Variants in OSMR observed in about 807,000 individuals in gnomAD.
OSMR encodes the protein oncostatin-M-specific receptor subunit beta.
Under a neutral mutation model 99.9 loss-of-function variants are expected in OSMR, and 81 were observed. The ratio of observed to expected loss-of-function variants is 0.81; its 90% CI spans 0.68 to 0.97. OSMR has a LOEUF of 0.97. Ranked by LOEUF, OSMR falls within the 50% of genes least tolerant of loss-of-function variation. The pLI, the probability that OSMR is intolerant of heterozygous loss-of-function variation, is 0.00. For synonymous variants in OSMR, 406 were observed against 410.4 expected (o/e 0.99, Z 0.13); for missense variants, 1,099 against 1,153.4 (o/e 0.95, Z 0.68).
chr5:38,853,720 A>G (rs556007394), intron 1 of OSMR, among the ~76,000 whole-genome samples: 34 of 152,326 alleles, frequency 2.2e-4, no homozygotes, highest in African/African-American at 7.2e-4. Flanking sequence ...AGCTGATGTC[A>G]CAAATTGCAG....
Position 38,934,808 on chromosome 5 carries a change from T to C in OSMR, c.*1364T>C, listed in dbSNP as rs1269593013. The C allele has an allele frequency of 6.6e-6, 1 of 150,512 alleles. No homozygotes were observed. Among genetic ancestry groups the C allele is most frequent in the African/African-American group, 2.4e-5 (1 of 40,830 alleles). The allele number at this position is 150,512 out of a possible 1,614,324, so 9.3% of individuals were successfully genotyped here. A position where few individuals can be genotyped will look rare whatever the true frequency, so the allele number is the denominator to read the frequency against. Reference sequence around the variant, plus strand: ...GTGTGAGCCACCATGCCCAGCCTATTTGTCACATTATTTGTCACATTTATT... The same window carrying C: ...GTGTGAGCCACCATGCCCAGCCTATCTGTCACATTATTTGTCACATTTATT... On this transcript the variant is annotated 3_prime_UTR_variant, in exon 18 of 18. Transcript: ENST00000274276.
chr5:38,921,842 A>G (rs749640464), intron 12 of OSMR, 48 bp downstream of exon 12: 7 of 1,497,732 alleles, frequency 4.7e-6, no homozygotes, highest in South Asian at 4.5e-5. Context: ...CACCTTGAAG[A>G]AAGTTCAAGT....
chr5:38,876,208 T>A lies in OSMR; in HGVS notation c.81T>A (p.Ala27=), dbSNP rs1391163917. Residue 27 remains alanine, a synonymous_variant, in exon 3 of 18, where the codon GCT becomes GCA. Coordinates refer to ENST00000274276, the MANE Select transcript of OSMR (RefSeq NM_003999.3). ...SLRTYQSEVL[A]ERLPLTPVSL... ...TCATTTTGATCTTTTCAGTCTTGGC[T>A]GAACGTTTACCATTGACTCCTGTAT... 1 of 1,613,048 alleles carries A rather than the reference T, an allele frequency of 6.2e-7. No individual in the cohort carries two copies. The highest frequency in any genetic ancestry group is 1.7e-5 in the Admixed American group (1 of 60,018).
chr5:38,847,345 G>C (rs958699095), intron 1 of OSMR, among the ~76,000 whole-genome samples: 6 of 152,152 alleles, frequency 3.9e-5, no homozygotes, highest in African/African-American at 1.4e-4. Flanking sequence ...TCACGGGTGA[G>C]GCGGGTACTA....
Position 38,919,657 on chromosome 5 carries a change from C to T in OSMR, c.1585+595C>T, listed in dbSNP as rs544241405. On this transcript the variant is annotated intron_variant, in intron 11 of 17. Transcript: ENST00000274276. Reference sequence around the variant, plus strand: ...TTAGCCATAAAAAGAGTCAACCCCACAGTTACATGCTATGAGATGATACAT... The same window carrying T: ...TTAGCCATAAAAAGAGTCAACCCCATAGTTACATGCTATGAGATGATACAT... The T allele has an allele frequency of 5.1e-4, 143 of 282,150 alleles. 5 individuals carry two copies. The South Asian group carries it at 5.3e-3, about 10-fold the overall frequency. 17.5% of individuals were successfully genotyped at this position (282,150 alleles called of 1,614,324 possible).
At chr5:38,884,602 G>C (rs542516272) in intron 5 of OSMR, among the ~76,000 whole-genome samples, 1 of 152,172 alleles carries the variant, frequency 6.6e-6, no homozygotes, top group Non-Finnish European at 1.5e-5. Flanking sequence ...GTGATTGTGA[G>C]GATTAATGAA....
chr5:38,926,965 G>T (rs1227105107), intron 15 of OSMR, among the ~76,000 whole-genome samples: 1 of 152,112 alleles, frequency 6.6e-6, no homozygotes, highest in African/African-American at 2.4e-5. Flanking sequence ...GGGAGAAATC[G>T]GCCAAAACAA....
At chr5:38,871,477 C>A (rs1353667246) in intron 2 of OSMR, among the ~76,000 whole-genome samples, 1 of 152,230 alleles carries the variant, frequency 6.6e-6, no homozygotes, top group Admixed American at 6.5e-5. Context: ...CAAGTACTTA[C>A]TAAACTCCCA....
At chr5:38,866,998 A>G (rs1371987941) in intron 1 of OSMR, among the ~76,000 whole-genome samples, 1 of 152,058 alleles carries the variant, frequency 6.6e-6, no homozygotes, top group East Asian at 1.9e-4. Flanking sequence ...TTCCCTGCTG[A>G]ATTCCAGTGG....
At chr5:38,919,155 C>T (rs1342920714) in intron 11 of OSMR, 93 bp downstream of exon 11, 34 of 1,554,314 alleles carry the variant, frequency 2.2e-5, no homozygotes, top group Middle Eastern at 1.7e-4. Flanking sequence ...AAAACAATAA[C>T]TTAGGAAGAC....
At chr5:38,864,843 T>G (rs1174696485) in intron 1 of OSMR, among the ~76,000 whole-genome samples, 1 of 152,190 alleles carries the variant, frequency 6.6e-6, no homozygotes, top group Non-Finnish European at 1.5e-5. Context: ...ATTGCCCATG[T>G]CTTTTCCTTA....
intron 6 of OSMR, 65 bp downstream of exon 6, chr5:38,885,549 G>A: frequency 1.3e-6 from 2 of 1,586,082 alleles, no homozygotes; most frequent in East Asian, 2.2e-5. Flanking sequence ...TGACAACATG[G>A]CAAAAATCTA....
At chr5:38,931,027 G>A (rs1746718899) in intron 15 of OSMR, among the ~76,000 whole-genome samples, 1 of 151,030 alleles carries the variant, frequency 6.6e-6, no homozygotes, top group Non-Finnish European at 1.5e-5. Flanking sequence ...TATCTGCGTG[G>A]CCTTCCCAGC....
At chr5:38,853,169 C>T (rs1740563476) in intron 1 of OSMR, among the ~76,000 whole-genome samples, 1 of 152,130 alleles carries the variant, frequency 6.6e-6, no homozygotes, top group African/African-American at 2.4e-5. Context: ...GATTATAAAA[C>T]TATTTACCTA....
chr5:38,856,353 G>A (rs563265537), intron 1 of OSMR, among the ~76,000 whole-genome samples: 1 of 152,290 alleles, frequency 6.6e-6, no homozygotes, highest in Admixed American at 6.5e-5. Flanking sequence ...TTTAGCAGAA[G>A]GTTTTTGGGC....
At chr5:38,901,433 G>A (rs1744884037) in intron 7 of OSMR, among the ~76,000 whole-genome samples, 1 of 152,046 alleles carries the variant, frequency 6.6e-6, no homozygotes, top group Non-Finnish European at 1.5e-5. Flanking sequence ...TTTAATAATC[G>A]AGCTCTGTTG....
At chr5:38,944,684 T>C in intron 2 of OSMR, 5 of 991,500 alleles carry the variant, frequency 5.0e-6, no homozygotes, top group Middle Eastern at 3.0e-4. Context: ...TTACACATGA[T>C]CTACCAATCA....
downstream of OSMR, chr5:38,938,602 A>G (rs910533378): frequency 3.0e-5 from 7 of 232,772 alleles, no homozygotes; most frequent in African/African-American, 1.5e-4. Flanking sequence ...AACAGGAAAA[A>G]AGTCCACATT....
At chr5:38,891,989 C>T (rs536025988) in intron 7 of OSMR, among the ~76,000 whole-genome samples, 1 of 152,142 alleles carries the variant, frequency 6.6e-6, no homozygotes, top group Non-Finnish European at 1.5e-5. Context: ...GCTTGGGCTC[C>T]AGCACAATAA....
Sources: gnomAD v4.1 joint callset for allele counts (sites outside exome capture counted in the v4.1 genomes callset) on GRCh38, gnomAD v4.1.1 for gene constraint, MANE v1.5 for transcripts, NCBI Gene and HGNC (gene_info 2026-07-23, HGNC 2026-07-21) for gene names.